The following GYPE variants were observed in gnomAD, a reference collection of about 807,000 sequenced individuals.
The protein encoded by GYPE is glycophorin-E.
A neutral mutation model predicts 11.6 loss-of-function variants in GYPE; 8 were observed. That is an observed-to-expected ratio of 0.69 (90% CI 0.41 to 1.25). The LOEUF is 1.25. Among genes scored for constraint, GYPE ranks in the 50% most tolerant of loss-of-function variants. The pLI is 0.01. For missense variants in GYPE, 90 were observed against 92.8 expected, an observed-to-expected ratio of 0.97 and a Z score of 0.12; for synonymous variants, 28 against 29.6, an observed-to-expected ratio of 0.94 and a Z score of 0.18.
chr4:143,890,180 T>G (rs183597977), intron 1 of GYPE, among the ~76,000 whole-genome samples: 75 of 152,324 alleles, frequency 4.9e-4, no homozygotes, highest in Non-Finnish European at 6.9e-4. Context: ...TAGGGTGACC[T>G]GCAGTGGCAA....
At chr4:143,889,563 C>T (rs975160790) in intron 1 of GYPE, among the ~76,000 whole-genome samples, 3 of 152,132 alleles carry the variant, frequency 2.0e-5, no homozygotes, top group Non-Finnish European at 4.4e-5. Flanking sequence ...GATAGGGTCT[C>T]ACCATATTGC....
At chr4:143,901,256 C>A (rs1405537846) in intron 1 of GYPE, among the ~76,000 whole-genome samples, 3 of 152,040 alleles carry the variant, frequency 2.0e-5, no homozygotes, top group Non-Finnish European at 4.4e-5. Flanking sequence ...ATAAATATCA[C>A]AAATAAATTG....
Position 143,880,398 on chromosome 4 carries a change from A to G in GYPE, c.136+13T>C. ...TTCGGAGCCACAATTTAAAAATAAA[A>G]ATGAAAACAAACCATTTGTCTGTGA... On this transcript the variant is annotated intron_variant, in intron 2 of 3. Coordinates refer to ENST00000358615, the MANE Select transcript of GYPE (RefSeq NM_198682.3). The G allele has an allele frequency of 6.2e-7, 1 of 1,613,920 alleles. No homozygotes were observed. The highest frequency in any genetic ancestry group is 2.2e-5 in the East Asian group (1 of 44,880).
intron 2 of GYPE, among the ~76,000 whole-genome samples, chr4:143,877,768 C>T (rs1256932912): frequency 3.3e-5 from 5 of 149,928 alleles, no homozygotes; most frequent in East Asian, 2.0e-4. Flanking sequence ...GCCATGGACA[C>T]GGCCAAGTGT....
At chr4:143,894,573 C>T (rs950520326) in intron 1 of GYPE, among the ~76,000 whole-genome samples, 36 of 152,068 alleles carry the variant, frequency 2.4e-4, no homozygotes, top group Non-Finnish European at 4.0e-4. Flanking sequence ...GCTAGAGGTC[C>T]ACTCCAGAGG....
At position 143,876,797 on chromosome 4, in the gene GYPE, A is replaced by C. The variant is rs762738133; in HGVS notation, c.195T>G (p.Val65=). Residue 65 remains valine (V), a synonymous_variant, in exon 3 of 4, where the codon GTT becomes GTG. Transcript: ENST00000358615. ...AAATTAAGATGATCATTCCAACAAC[A>C]ACAAGCATCACCTCAAAAATAACAC... The part of the protein sequence containing the change: ...MARVIFEVML[V]VVGMIILISY... The C allele has an allele frequency of 1.9e-6, 3 of 1,610,930 alleles. No homozygotes were observed. The Admixed American group carries it at 5.0e-5, about 27-fold the overall frequency.
chr4:143,896,618 A>G (rs938658647), intron 1 of GYPE, among the ~76,000 whole-genome samples: 205 of 152,306 alleles, frequency 1.3e-3, no homozygotes, highest in African/African-American at 4.6e-3. Context: ...AGGGATCTAC[A>G]ACTAGAAATA....
At chr4:143,903,630 T>G (rs1410050957) in intron 1 of GYPE, among the ~76,000 whole-genome samples, 1 of 151,718 alleles carries the variant, frequency 6.6e-6, no homozygotes, top group Admixed American at 6.6e-5. Context: ...TCTGTTATAC[T>G]ATTAAGTAGC....
chr4:143,903,925 G>A (rs1051596629), intron 1 of GYPE, among the ~76,000 whole-genome samples: 1 of 152,092 alleles, frequency 6.6e-6, no homozygotes, highest in Non-Finnish European at 1.5e-5. Context: ...GTCTAATTTT[G>A]TTTGAGTTAC....
At chr4:143,903,879 C>A (rs1744960239) in intron 1 of GYPE, among the ~76,000 whole-genome samples, 1 of 151,760 alleles carries the variant, frequency 6.6e-6, no homozygotes, top group South Asian at 2.1e-4. Flanking sequence ...AGAGTTTTCC[C>A]AAATGCTGGG....
chr4:143,901,086 C>G (rs1240545042), intron 1 of GYPE, among the ~76,000 whole-genome samples: 1 of 152,128 alleles, frequency 6.6e-6, no homozygotes, highest in East Asian at 1.9e-4. Flanking sequence ...TATTCAGAAC[C>G]TGCCTATGTA....
At chr4:143,875,192 T>C (rs1743748942) in intron 3 of GYPE, 2 of 293,966 alleles carry the variant, frequency 6.8e-6, no homozygotes, top group Non-Finnish European at 6.5e-6. Context: ...TCATTCCCCT[T>C]CTGCATGTTC....
intron 1 of GYPE, among the ~76,000 whole-genome samples, chr4:143,903,801 A>G (rs1275497958): frequency 8.6e-5 from 1 of 11,658 alleles, no homozygotes; most frequent in African/African-American, 9.6e-5. Context: ...GTAGTTGTAG[A>G]AATTAAAAAA....
chr4:143,873,417 G>C (rs1317052117), intron 3 of GYPE: 1 of 454,684 alleles, frequency 2.2e-6, no homozygotes, highest in Admixed American at 2.4e-5. Context: ...GAATAATAAA[G>C]GTCTAAAATT....
chr4:143,905,309 A>T (rs1745017310), intron 1 of GYPE, among the ~76,000 whole-genome samples, 162 bp downstream of exon 1: 1 of 152,164 alleles, frequency 6.6e-6, no homozygotes, highest in African/African-American at 2.4e-5. Context: ...TTTCCCCCAC[A>T]TTGGTAGCTG....
chr4:143,898,910 G>A (rs1447497652), intron 1 of GYPE, among the ~76,000 whole-genome samples: 2 of 150,040 alleles, frequency 1.3e-5, no homozygotes, highest in African/African-American at 4.9e-5. Context: ...TCAGTGCCAT[G>A]ATCTCTATTC....
chr4:143,903,621 C>T (rs1744950442), intron 1 of GYPE, among the ~76,000 whole-genome samples: 1 of 149,912 alleles, frequency 6.7e-6, no homozygotes, highest in Non-Finnish European at 1.5e-5. Context: ...TTACACCTTT[C>T]TGTTATACTA....
At chr4:143,876,481 G>A (rs1423882313) in intron 3 of GYPE, among the ~76,000 whole-genome samples, 2 of 152,126 alleles carry the variant, frequency 1.3e-5, no homozygotes, top group Non-Finnish European at 2.9e-5. Context: ...ATCAAAATAT[G>A]TGAAAGCAAG....
intron 1 of GYPE, among the ~76,000 whole-genome samples, chr4:143,888,854 T>A (rs199565616): frequency 0.061 from 8,118 of 134,152 alleles, 664 homozygotes; most frequent in East Asian, 0.18. Flanking sequence ...AGGTTTTTAT[T>A]AAGCCAAAGC....
Sources: gnomAD v4.1 joint callset for allele counts (sites outside exome capture counted in the v4.1 genomes callset) on GRCh38, gnomAD v4.1.1 for gene constraint, MANE v1.5 for transcripts, NCBI Gene and HGNC (gene_info 2026-07-23, HGNC 2026-07-21) for gene names.